The following CSRNP3 variants were observed in gnomAD, a reference collection of about 807,000 sequenced individuals.
CSRNP3 encodes the protein cysteine and serine rich nuclear protein 3.
In CSRNP3, 12 loss-of-function variants were observed where a neutral mutation model predicts 48.0. The ratio of observed to expected loss-of-function variants is 0.25; its 90% CI spans 0.16 to 0.41. CSRNP3 has a LOEUF of 0.41. CSRNP3 is among the 10% of genes least tolerant of loss of function. The pLI is 1.00. For synonymous variants in CSRNP3, 263 were observed against 269.7 expected, an observed-to-expected ratio of 0.98 and a Z score of 0.24; for missense variants, 580 against 724.4, an observed-to-expected ratio of 0.80 and a Z score of 2.29.
intron 2 of CSRNP3, among the ~76,000 whole-genome samples, chr2:165,507,617 C>A (rs896525115): frequency 1.4e-4 from 21 of 152,090 alleles, no homozygotes; most frequent in African/African-American, 5.1e-4. Context: ...TTTATTTACA[C>A]TTTATATTTC....
At chr2:165,625,379 C>A (rs1686412384) in intron 4 of CSRNP3, among the ~76,000 whole-genome samples, 1 of 151,576 alleles carries the variant, frequency 6.6e-6, no homozygotes, top group South Asian at 2.1e-4. Flanking sequence ...GTAATCCCAG[C>A]ACTTTGGGAG....
intron 3 of CSRNP3, among the ~76,000 whole-genome samples, chr2:165,533,572 A>G (rs1422310221): frequency 6.6e-6 from 1 of 152,118 alleles, no homozygotes. Flanking sequence ...GACTAGAAAA[A>G]TGAGAGCAGA....
chr2:165,483,772 G>A (rs1051009517), intron 1 of CSRNP3, among the ~76,000 whole-genome samples: 6 of 152,102 alleles, frequency 3.9e-5, no homozygotes, highest in African/African-American at 1.4e-4. Flanking sequence ...GGAAGGCAAG[G>A]GATCTCTTCT....
At chr2:165,528,389 A>C (rs1684767959) in intron 3 of CSRNP3, among the ~76,000 whole-genome samples, 1 of 152,330 alleles carries the variant, frequency 6.6e-6, no homozygotes. Context: ...CCAAAAAAAT[A>C]ATTGCCCAGA....
At chr2:165,627,845 C>T (rs1573929329) in intron 4 of CSRNP3, among the ~76,000 whole-genome samples, 1 of 152,138 alleles carries the variant, frequency 6.6e-6, no homozygotes, top group African/African-American at 2.4e-5. Context: ...AGGAACTATG[C>T]TCAGAGATGT....
intron 3 of CSRNP3, among the ~76,000 whole-genome samples, 184 bp downstream of exon 3, chr2:165,518,145 G>C (rs939390266): frequency 6.6e-6 from 1 of 151,796 alleles, no homozygotes; most frequent in Non-Finnish European, 1.5e-5. Context: ...AGTTTCATTA[G>C]GGACAATAAA....
At chr2:165,549,031 T>C (rs1373473114) in intron 3 of CSRNP3, among the ~76,000 whole-genome samples, 2 of 149,752 alleles carry the variant, frequency 1.3e-5, no homozygotes, top group Non-Finnish European at 3.0e-5. Context: ...TTTTAAGTAG[T>C]AAAGGTTATT....
chr2:165,496,903 A>G (rs1273209913), intron 2 of CSRNP3, among the ~76,000 whole-genome samples: 3 of 151,976 alleles, frequency 2.0e-5, no homozygotes, highest in African/African-American at 4.8e-5. Flanking sequence ...CAAGACACTT[A>G]TTGATTTCTA....
chr2:165,611,675 T>C (rs527426531), intron 4 of CSRNP3, among the ~76,000 whole-genome samples: 19 of 152,254 alleles, frequency 1.2e-4, no homozygotes, highest in African/African-American at 4.6e-4. Flanking sequence ...AAATAGGTTC[T>C]ATTTTTAATC....
At chr2:165,639,017 G>A (rs931045476) in intron 4 of CSRNP3, among the ~76,000 whole-genome samples, 11 of 152,002 alleles carry the variant, frequency 7.2e-5, no homozygotes, top group South Asian at 6.2e-4. Context: ...GTTTGTTTCC[G>A]TTTAAAGACA....
chr2:165,521,274 T>A (rs1684658927), intron 3 of CSRNP3, among the ~76,000 whole-genome samples: 1 of 152,082 alleles, frequency 6.6e-6, no homozygotes, highest in African/African-American at 2.4e-5. Context: ...TAGGGATAGA[T>A]TCTTCCCAAA....
chr2:165,574,794 G>A (rs1685422220), intron 3 of CSRNP3, among the ~76,000 whole-genome samples: 1 of 152,054 alleles, frequency 6.6e-6, no homozygotes, highest in Non-Finnish European at 1.5e-5. Flanking sequence ...TAAGATCCGA[G>A]TTCCTAGCCT....
chr2:165,679,824 C>T lies in CSRNP3; in HGVS notation c.*71C>T. The T allele has an allele frequency of 7.8e-6, 12 of 1,530,522 alleles. No individual in the cohort carries two copies. Among genetic ancestry groups the T allele is most frequent in the Middle Eastern group, 1.8e-4 (1 of 5,660 alleles). 94.8% of individuals were successfully genotyped at this position (1,530,522 alleles called of 1,614,324 possible). On this transcript the variant is annotated 3_prime_UTR_variant, in exon 7 of 7. Transcript: ENST00000651982. ...TGTATTTAATTGGATTTCCTGGGCT[C>T]ATCATTGTTTAAACTGAAGACCAAG...
chr2:165,639,623 A>G (rs1403019419), intron 4 of CSRNP3, among the ~76,000 whole-genome samples: 4 of 152,174 alleles, frequency 2.6e-5, no homozygotes, highest in Non-Finnish European at 4.4e-5. Context: ...CAAAGAAAGG[A>G]CAAATCTGAG....
chr2:165,485,741 C>T (rs958168370), intron 1 of CSRNP3, among the ~76,000 whole-genome samples: 2 of 152,112 alleles, frequency 1.3e-5, no homozygotes, highest in African/African-American at 4.8e-5. Flanking sequence ...GAATGATCAC[C>T]ATCTACATAT....
At chr2:165,625,857 C>T (rs1320345190) in intron 4 of CSRNP3, among the ~76,000 whole-genome samples, 15 of 135,256 alleles carry the variant, frequency 1.1e-4, no homozygotes, top group African/African-American at 3.9e-4. Flanking sequence ...CGCGTGAACT[C>T]GGGGCAGAGG....
chr2:165,501,155 A>G (rs1208577975), intron 2 of CSRNP3, among the ~76,000 whole-genome samples: 1 of 152,214 alleles, frequency 6.6e-6, no homozygotes. Context: ...ATCAGTTATA[A>G]TGAAATGCTA....
rs769777169 is a variant in CSRNP3 at position 165,676,412 on chromosome 2, A to C, written c.509A>C (p.Glu170Ala). Reference sequence around the variant, plus strand: ...GACCTGGACAACACAGAGGTAGATGAGTACTTCTTCCTACAACCTTTGCCA... The same window carrying C: ...GACCTGGACAACACAGAGGTAGATGCGTACTTCTTCCTACAACCTTTGCCA... ...DIDLDNTEVD[E>A]YFFLQPLPTK... The change falls in exon 6 of 7, where the codon GAG (glutamate) becomes GCG (alanine). Residue 170 changes from glutamate (E) to alanine (A), a missense_variant. Physicochemically the swap from Glu to Ala is moderately radical, Grantham distance 107. Around this residue, in one of 4 missense-constraint regions of CSRNP3, gnomAD observed 62 missense variants for 66.4 expected, o/e 0.93. Coordinates refer to ENST00000651982, the MANE Select transcript of CSRNP3 (RefSeq NM_001172173.2). 2.0e-5 allele frequency: 33 copies of C among 1,613,714 alleles called. No individual in the cohort carries two copies. Among genetic ancestry groups the C allele is most frequent in the Non-Finnish European group, 2.7e-5 (32 of 1,179,690 alleles).
At chr2:165,663,861 T>A (rs538142069) in intron 5 of CSRNP3, among the ~76,000 whole-genome samples, 3 of 152,022 alleles carry the variant, frequency 2.0e-5, no homozygotes, top group Non-Finnish European at 4.4e-5. Flanking sequence ...TTCCAGAGTG[T>A]CAGTTGTTAA....
Sources: gnomAD v4.1 joint callset for allele counts (sites outside exome capture counted in the v4.1 genomes callset) on GRCh38, gnomAD v4.1.1 for gene constraint, gnomAD v4.1.1 regional missense constraint, MANE v1.5 for transcripts, NCBI Gene and HGNC (gene_info 2026-07-23, HGNC 2026-07-21) for gene names.